The following FRK variants were observed in gnomAD, a reference collection of about 807,000 sequenced individuals.
The protein encoded by FRK is fyn related Src family tyrosine kinase.
FRK carries 51 observed loss-of-function variants against 56.4 expected under a neutral mutation model. The ratio of observed to expected loss-of-function variants is 0.90; its 90% CI spans 0.72 to 1.14. FRK has a LOEUF of 1.14. Ranked by LOEUF, FRK falls within the 50% of genes most tolerant of loss-of-function variation. The pLI, the probability that FRK is intolerant of heterozygous loss-of-function variation, is 0.00. For missense variants in FRK, 570 were observed against 601.4 expected (o/e 0.95, Z 0.55); for synonymous variants, 245 against 217.9 (o/e 1.12, Z -1.10).
chr6:116,014,320 C>T (rs1044863095), intron 1 of FRK, among the ~76,000 whole-genome samples: 1 of 151,542 alleles, frequency 6.6e-6, no homozygotes, highest in African/African-American at 2.4e-5. Context: ...AGTAACAAAT[C>T]AAAAAAGAAA....
intron 1 of FRK, among the ~76,000 whole-genome samples, chr6:116,015,036 C>T (rs75553206): frequency 1.3e-5 from 2 of 152,272 alleles, no homozygotes; most frequent in South Asian, 2.1e-4. Context: ...TGTATTTACA[C>T]GAGCTGGTGC....
At chr6:116,028,249 T>G (rs1231140847) in intron 1 of FRK, among the ~76,000 whole-genome samples, 4 of 152,174 alleles carry the variant, frequency 2.6e-5, no homozygotes, top group Admixed American at 6.6e-5. Context: ...TTTTAAAAAT[T>G]TCCTATACTA....
At chr6:116,010,479 T>C (rs936515684) in intron 1 of FRK, among the ~76,000 whole-genome samples, 5 of 152,308 alleles carry the variant, frequency 3.3e-5, no homozygotes, top group African/African-American at 1.2e-4. Flanking sequence ...TTAGAATTGA[T>C]AGATACAGGA....
chr6:116,038,210 G>C (rs2114779797), intron 1 of FRK, among the ~76,000 whole-genome samples: 1 of 152,222 alleles, frequency 6.6e-6, no homozygotes, highest in Middle Eastern at 3.4e-3. Context: ...TTTACAATGA[G>C]TCTTCCAACC....
chr6:116,010,754 C>T (rs957444165), intron 1 of FRK, among the ~76,000 whole-genome samples: 2 of 152,158 alleles, frequency 1.3e-5, no homozygotes, highest in Non-Finnish European at 2.9e-5. Context: ...AAGAAGAATG[C>T]TGCATGTAAA....
chr6:116,031,545 T>C (rs1776304829), intron 1 of FRK, among the ~76,000 whole-genome samples: 1 of 152,088 alleles, frequency 6.6e-6, no homozygotes, highest in Non-Finnish European at 1.5e-5. Context: ...TGAGTACACA[T>C]TCACAACAAT....
chr6:116,061,256 T>C (rs575278414), upstream of FRK, among the ~76,000 whole-genome samples: 5 of 152,286 alleles, frequency 3.3e-5, no homozygotes, highest in African/African-American at 1.2e-4. Context: ...CCTTTTCTCA[T>C]TACCAAGAAT....
Position 115,932,774 on chromosome 6 carries a change from G to T in FRK, c.*9640C>A, listed in dbSNP as rs1425285725. On this transcript the variant is annotated 3_prime_UTR_variant, in exon 8 of 8. Transcript: ENST00000606080. ...CTTCAGGAAGCTCCAGCTGGGTAGT[G>T]GTATGGCATCCTTCCAATGGCAACA... is the stretch of plus-strand genomic sequence containing the variant. 4.6e-5 allele frequency: 7 copies of T among 152,196 alleles called. No homozygotes were observed. The highest frequency in any genetic ancestry group is 1.7e-4 in the African/African-American group (7 of 41,422). The allele number at this position is 152,196 out of a possible 1,614,324, so 9.4% of individuals were successfully genotyped here.
At position 115,941,037 on chromosome 6, in the gene FRK, G is replaced by A. The variant is rs1772152593; in HGVS notation, c.*1377C>T. ...GGCTTATAAATCATTCTGCTATAAAGACACATGCATGTTTATTGTGGCACT... is the reference window on the plus strand; with the variant it reads ...GGCTTATAAATCATTCTGCTATAAAAACACATGCATGTTTATTGTGGCACT... On this transcript the variant is annotated 3_prime_UTR_variant, in exon 8 of 8. Transcript: ENST00000606080. 6.6e-6 allele frequency: 1 copy of A among 152,116 alleles called. No homozygotes were observed. The highest frequency in any genetic ancestry group is 1.5e-5 in the Non-Finnish European group (1 of 68,026). The allele number at this position is 152,116 out of a possible 1,614,324, so 9.4% of individuals were successfully genotyped here.
chr6:116,022,686 A>G (rs528142452), intron 1 of FRK, among the ~76,000 whole-genome samples: 1 of 152,260 alleles, frequency 6.6e-6, no homozygotes, highest in Middle Eastern at 3.4e-3. Flanking sequence ...AACAATATAA[A>G]CCCTTCACCT....
the FRK span, among the ~76,000 whole-genome samples, chr6:116,092,047 T>C: frequency 6.6e-6 from 1 of 152,148 alleles, no homozygotes; most frequent in African/African-American, 2.4e-5. Context: ...TAGTCCCACT[T>C]CTAAAAACCA....
At chr6:116,070,146 A>AC in the FRK span, among the ~76,000 whole-genome samples, 2 of 151,960 alleles carry the variant, frequency 1.3e-5, no homozygotes, top group Non-Finnish European at 2.9e-5. Flanking sequence ...AAAAAAAAAA[A>AC]AAAAACCTGC....
At position 115,956,617 on chromosome 6, in the gene FRK, C is replaced by G; in HGVS notation, c.800-7G>C. 6.5e-7 allele frequency: 1 copy of G among 1,534,674 alleles called. No homozygotes were observed. Among genetic ancestry groups the G allele is most frequent in the Non-Finnish European group, 8.8e-7 (1 of 1,140,528 alleles). On this transcript the variant is annotated splice_polypyrimidine_tract_variant and splice_region_variant and intron_variant, in intron 4 of 7. Transcript: ENST00000606080. ...TCATTTGGATCCATTGAACCTGAAA[C>G]AAGAAGAGGGAGAAATCACTTTATG...
intron 1 of FRK, among the ~76,000 whole-genome samples, chr6:116,037,960 T>C (rs1450716910): frequency 6.6e-6 from 1 of 152,170 alleles, no homozygotes; most frequent in Admixed American, 6.5e-5. Flanking sequence ...ATCCTACACA[T>C]GTGTACAAAC....
chr6:116,006,900 GA>G lies in FRK; in HGVS notation c.345-2903del, dbSNP rs540679445. 5.7e-4 allele frequency among the ~76,000 whole-genome samples: 87 copies of G among 152,204 alleles called. 3 individuals are homozygous for G. The South Asian group carries it at 0.018, about 31-fold the overall frequency. On this transcript the variant is annotated intron_variant, in intron 1 of 7. Transcript: ENST00000606080. ...ATTAGAGTAAGTTAAAGAATGAAAA[GA>G]ATGATATATACCATTGTAGTAGCAT...
At chr6:115,954,594 C>T (rs572540090) in intron 5 of FRK, among the ~76,000 whole-genome samples, 3 of 152,210 alleles carry the variant, frequency 2.0e-5, no homozygotes, top group Middle Eastern at 3.4e-3. Context: ...GGAAAGACTG[C>T]AAGAGTAGCA....
intron 1 of FRK, among the ~76,000 whole-genome samples, chr6:116,055,767 T>C (rs1308116712): frequency 6.6e-6 from 1 of 152,210 alleles, no homozygotes; most frequent in Non-Finnish European, 1.5e-5. Context: ...ACAAAATTAC[T>C]GATTCACAAG....
chr6:116,030,977 T>C (rs1308307578), intron 1 of FRK, among the ~76,000 whole-genome samples: 2 of 152,126 alleles, frequency 1.3e-5, no homozygotes, highest in African/African-American at 4.8e-5. Flanking sequence ...CAATAAGCAG[T>C]AAGAGCCTTA....
chr6:116,041,093 C>T (rs974435434), intron 1 of FRK, among the ~76,000 whole-genome samples: 1 of 152,134 alleles, frequency 6.6e-6, no homozygotes, highest in African/African-American at 2.4e-5. Context: ...AAATCAATAG[C>T]ATGTCTTTCC....
Sources: allele counts gnomAD v4.1 joint callset (sites outside exome capture counted in the v4.1 genomes callset), GRCh38; gene constraint gnomAD v4.1.1; transcripts MANE v1.5; gene names NCBI Gene and HGNC (gene_info 2026-07-23, HGNC 2026-07-21).